GLT1D1: variants seen among roughly 807,000 people sequenced by gnomAD.
The protein encoded by GLT1D1 is glycosyltransferase 1 domain-containing protein 1.
Under a neutral mutation model 28.7 loss-of-function variants are expected in GLT1D1, and 21 were observed. The observed-to-expected ratio is 0.73, with a 90% CI of 0.52 to 1.05. GLT1D1 has a LOEUF of 1.05. Ranked by LOEUF, GLT1D1 falls within the 50% of genes least tolerant of loss-of-function variation. The pLI, the probability that GLT1D1 is intolerant of heterozygous loss-of-function variation, is 0.00. For missense variants in GLT1D1, 343 were observed against 330.6 expected (o/e 1.04, Z -0.29); for synonymous variants, 147 against 124.8 (o/e 1.18, Z -1.19).
chr12:128,952,432 G>C (rs1476779475), intron 6 of GLT1D1, among the ~76,000 whole-genome samples: 1 of 76,810 alleles, frequency 1.3e-5, no homozygotes, highest in African/African-American at 5.5e-5. Context: ...GTAGGGTGGG[G>C]GTGGGGGGGG....
chr12:128,945,502 C>T lies in GLT1D1; in HGVS notation c.419+133C>T, dbSNP rs532080821. 207 of 780,056 alleles carry T rather than the reference C, an allele frequency of 2.7e-4. 3 individuals are homozygous for T. Among genetic ancestry groups the T allele is most frequent in the South Asian group, 2.6e-3 (180 of 70,096 alleles). 48.3% of individuals were successfully genotyped at this position (780,056 alleles called of 1,614,324 possible). On this transcript the variant is annotated intron_variant, in intron 5 of 7. Transcript: ENST00000281703. Reference sequence around the variant, plus strand: ...CCAACTGTTTCCTCATGCATCTTCCCGGCGAGCCCGTGGCATCCTAGGCAC... The same window carrying T: ...CCAACTGTTTCCTCATGCATCTTCCTGGCGAGCCCGTGGCATCCTAGGCAC...
chr12:128,957,582 T>C lies in GLT1D1; in HGVS notation c.578T>C (p.Ile193Thr). Residue 193 changes from isoleucine (I) to threonine (T), a missense_variant, in exon 7 of 8, where the codon ATC becomes ACC. Ile to Thr is a moderately conservative substitution (Grantham distance 89). Transcript: ENST00000281703. ...GAAGTACCGGTATTGGCCAGGAACA[T>C]CCCCGGGAATGCTGCCGTGGTGAAG... is the stretch of plus-strand genomic sequence containing the variant. 6.2e-7 allele frequency: 1 copy of C among 1,613,854 alleles called. No individual in the cohort carries two copies. The highest frequency in any genetic ancestry group is 8.5e-7 in the Non-Finnish European group (1 of 1,179,798).
At chr12:128,879,604 G>GCAC (rs1426141182) in intron 2 of GLT1D1, among the ~76,000 whole-genome samples, 5 of 151,780 alleles carry the variant, frequency 3.3e-5, no homozygotes. Context: ...TAACAGGTGT[G>GCAC]CACCACCATG....
chr12:128,977,772 CT>C (rs796803424), intron 7 of GLT1D1, among the ~76,000 whole-genome samples: 2,330 of 26,124 alleles, frequency 0.089, 61 homozygotes, highest in African/African-American at 0.2. Context: ...TTTCTTTTTT[CT>C]TTTTTCTTTT....
intron 1 of GLT1D1, among the ~76,000 whole-genome samples, chr12:128,856,860 G>A (rs1049158948): frequency 1.3e-5 from 2 of 151,648 alleles, no homozygotes; most frequent in African/African-American, 4.9e-5. Context: ...CCAGCTTCTC[G>A]GGAGGCAGAG....
chr12:128,940,874 G>T (rs1433390127), intron 4 of GLT1D1, among the ~76,000 whole-genome samples: 2 of 152,120 alleles, frequency 1.3e-5, no homozygotes, highest in African/African-American at 2.4e-5. Flanking sequence ...TCACAAAGTT[G>T]TGCAACCATC....
At chr12:128,982,804 C>G (rs1461679936) in intron 7 of GLT1D1, 125 bp from the exon 12 acceptor site, 4 of 743,992 alleles carry the variant, frequency 5.4e-6, no homozygotes, top group Middle Eastern at 2.4e-4. Flanking sequence ...AAAAGTCACT[C>G]TCTCCAGGCC....
chr12:128,874,136 T>C (rs28403119), intron 1 of GLT1D1, among the ~76,000 whole-genome samples: 2,496 of 63,372 alleles, frequency 0.039, 53 homozygotes, highest in East Asian at 0.082. Flanking sequence ...CTTTCTTTCT[T>C]TCTTTCTTTC....
intron 1 of GLT1D1, among the ~76,000 whole-genome samples, chr12:128,856,526 T>C (rs760536527): frequency 6.6e-6 from 1 of 152,054 alleles, no homozygotes; most frequent in Non-Finnish European, 1.5e-5. Flanking sequence ...GGAGATGACA[T>C]TGAAGCTAAG....
At chr12:128,926,067 A>G (rs1242589891) in intron 4 of GLT1D1, among the ~76,000 whole-genome samples, 2 of 151,844 alleles carry the variant, frequency 1.3e-5, no homozygotes, top group African/African-American at 2.4e-5. Flanking sequence ...GTGCATGCCT[A>G]TAATCCCAGC....
intron 4 of GLT1D1, among the ~76,000 whole-genome samples, chr12:128,917,669 C>A (rs993691605): frequency 8.5e-5 from 13 of 152,136 alleles, no homozygotes; most frequent in Admixed American, 5.2e-4. Context: ...TGTTTTCATG[C>A]TAAAGACTTG....
Position 128,927,100 on chromosome 12 carries a change from C to T in GLT1D1, c.376-18226C>T. ...TGTTTTTTTGTCTTCTTTTTTCTTCCCAAGCCTGGCATCAGGAGGAGCCCA... is the reference window on the plus strand; with the variant it reads ...TGTTTTTTTGTCTTCTTTTTTCTTCTCAAGCCTGGCATCAGGAGGAGCCCA... On this transcript the variant is annotated intron_variant, in intron 4 of 7. Coordinates refer to ENST00000281703, the MANE Select transcript of GLT1D1 (RefSeq NM_144669.3). The T allele has an allele frequency of 6.5e-7, 1 of 1,535,258 alleles. No individual in the cohort carries two copies.
intron 7 of GLT1D1, among the ~76,000 whole-genome samples, chr12:128,980,024 A>G (rs1387550981): frequency 6.6e-6 from 1 of 152,150 alleles, no homozygotes; most frequent in East Asian, 1.9e-4. Flanking sequence ...AAACTGAAAA[A>G]CCTTAAGCTG....
At chr12:128,901,511 A>T (rs932827943) in intron 4 of GLT1D1, among the ~76,000 whole-genome samples, 5 of 150,000 alleles carry the variant, frequency 3.3e-5, no homozygotes, top group Admixed American at 6.7e-5. Context: ...ATCTCGGCTC[A>T]CTGCAACCTC....
intron 4 of GLT1D1, among the ~76,000 whole-genome samples, chr12:128,937,271 C>T (rs1203379769): frequency 6.6e-6 from 1 of 152,096 alleles, no homozygotes; most frequent in African/African-American, 2.4e-5. Context: ...TAGGATAATT[C>T]GAGCAAAAGG....
chr12:128,899,291 T>C lies in GLT1D1; in HGVS notation c.375+4T>C, dbSNP rs1869977942. 5 of 1,611,540 alleles carry C rather than the reference T, an allele frequency of 3.1e-6. No individual in the cohort carries two copies. Among genetic ancestry groups the C allele is most frequent in the Non-Finnish European group, 4.2e-6 (5 of 1,177,840 alleles). On this transcript the variant is annotated splice_donor_region_variant and intron_variant, in intron 4 of 7. Coordinates refer to ENST00000281703, the MANE Select transcript of GLT1D1 (RefSeq NM_144669.3). ...GGAAATGGCACAAGCGCAGTGGGTA[T>C]GTGTTTATCTGGTGTTGTTATTTTG...
intron 4 of GLT1D1, among the ~76,000 whole-genome samples, chr12:128,909,184 T>C (rs1489586901): frequency 6.6e-6 from 1 of 152,056 alleles, no homozygotes; most frequent in East Asian, 1.9e-4. Flanking sequence ...ATTTTTTTTC[T>C]ATGAAAAATG....
At chr12:128,912,766 G>A (rs1230774452) in intron 4 of GLT1D1, among the ~76,000 whole-genome samples, 3 of 151,470 alleles carry the variant, frequency 2.0e-5, no homozygotes, top group East Asian at 2.0e-4. Flanking sequence ...GGGTTAAAGC[G>A]TTTCTCTAGC....
In GLT1D1 at chr12:128,945,426, G is replaced by T. The variant is rs1875943517; in HGVS notation, c.419+57G>T. ...GAACGGGAAGCCTGAGTGGCCCCTG[G>T]GTTACCTGAACTCACATTTATCCAG... On this transcript the variant is annotated intron_variant, in intron 5 of 7. Coordinates refer to ENST00000281703, the MANE Select transcript of GLT1D1 (RefSeq NM_144669.3). 4 of 1,365,042 alleles carry T rather than the reference G, an allele frequency of 2.9e-6. No individual in the cohort carries two copies. The South Asian group carries it at 3.5e-5, about 12-fold the overall frequency. The allele number at this position is 1,365,042 out of a possible 1,614,324, so 84.6% of individuals were successfully genotyped here.
Sources: gnomAD v4.1 joint callset for allele counts (sites outside exome capture counted in the v4.1 genomes callset) on GRCh38, gnomAD v4.1.1 for gene constraint, MANE v1.5 for transcripts, NCBI Gene and HGNC (gene_info 2026-07-23, HGNC 2026-07-21) for gene names.